The following ATP6V0E1 variants were observed in gnomAD, a reference collection of about 807,000 sequenced individuals.
ATP6V0E1 encodes V-type proton ATPase subunit e 1.
A neutral mutation model predicts 11.6 loss-of-function variants in ATP6V0E1; 4 were observed. That is an observed-to-expected ratio of 0.35 (90% CI 0.17 to 0.79). The LOEUF is 0.79. Ranked by LOEUF, ATP6V0E1 falls within the 30% of genes least tolerant of loss-of-function variation. The pLI is 0.54. For synonymous variants in ATP6V0E1, 36 were observed against 34.8 expected, an observed-to-expected ratio of 1.04 and a Z score of -0.13; for missense variants, 105 against 100.0, an observed-to-expected ratio of 1.05 and a Z score of -0.21.
chr5:173,021,361 C>A (rs1053947959), intron 3 of ATP6V0E1, among the ~76,000 whole-genome samples: 4 of 151,472 alleles, frequency 2.6e-5, no homozygotes, highest in Non-Finnish European at 4.4e-5. Flanking sequence ...GGGGAGGCCT[C>A]ACAATAATGG....
chr5:172,998,629 AG>A (rs993324931), intron 2 of ATP6V0E1, among the ~76,000 whole-genome samples: 9 of 144,640 alleles, frequency 6.2e-5, no homozygotes, highest in African/African-American at 2.4e-4. Flanking sequence ...AAAAAAAAAA[AG>A]AGTAAATGAG....
chr5:172,985,102 G>A (rs1032155220), intron 1 of ATP6V0E1, among the ~76,000 whole-genome samples: 6 of 151,966 alleles, frequency 3.9e-5, no homozygotes, highest in Admixed American at 2.0e-4. Flanking sequence ...AAAATTAGCC[G>A]GGCGTGGTGG....
At chr5:173,017,026 G>C (rs1380104076) in intron 2 of ATP6V0E1, among the ~76,000 whole-genome samples, 1 of 152,088 alleles carries the variant, frequency 6.6e-6, no homozygotes, top group Non-Finnish European at 1.5e-5. Context: ...ATATGGTGCT[G>C]GCTAATTCTC....
chr5:172,985,928 C>T (rs1024149726), intron 1 of ATP6V0E1, among the ~76,000 whole-genome samples: 2 of 152,242 alleles, frequency 1.3e-5, no homozygotes, highest in African/African-American at 4.8e-5. Flanking sequence ...TTGGTAGAAC[C>T]TGTTGCCTCT....
intron 2 of ATP6V0E1, among the ~76,000 whole-genome samples, chr5:173,000,161 G>T (rs1342736392): frequency 1.3e-5 from 2 of 152,014 alleles, no homozygotes; most frequent in East Asian, 3.9e-4. Context: ...GTTTTTTCTG[G>T]TGCCAGTTTG....
intron 2 of ATP6V0E1, among the ~76,000 whole-genome samples, chr5:173,010,584 A>G (rs1388749714): frequency 6.6e-6 from 1 of 152,194 alleles, no homozygotes; most frequent in Non-Finnish European, 1.5e-5. Flanking sequence ...AGGAGCATCT[A>G]ATAATGTTGC....
chr5:173,016,680 TG>T (rs1012654066), intron 2 of ATP6V0E1, among the ~76,000 whole-genome samples: 1 of 152,206 alleles, frequency 6.6e-6, no homozygotes, highest in African/African-American at 2.4e-5. Flanking sequence ...CTGCCGGGAT[TG>T]GGGAAGTCCT....
chr5:173,017,273 C>T (rs1215977707), intron 2 of ATP6V0E1, among the ~76,000 whole-genome samples: 2 of 152,190 alleles, frequency 1.3e-5, no homozygotes, highest in African/African-American at 4.8e-5. Context: ...GTGGCTCACC[C>T]CTGTAATCCC....
chr5:173,001,142 T>C (rs1186648084), intron 2 of ATP6V0E1, among the ~76,000 whole-genome samples: 1 of 152,196 alleles, frequency 6.6e-6, no homozygotes, highest in Non-Finnish European at 1.5e-5. Context: ...TATTTAGCAT[T>C]AGTAGGCACT....
At chr5:172,997,947 T>C (rs1756092420) in intron 2 of ATP6V0E1, among the ~76,000 whole-genome samples, 2 of 152,062 alleles carry the variant, frequency 1.3e-5, no homozygotes, top group African/African-American at 4.8e-5. Flanking sequence ...TGAAACCCTT[T>C]CTCTACAAAA....
chr5:172,990,984 C>T (rs1755970623), intron 1 of ATP6V0E1, among the ~76,000 whole-genome samples: 1 of 151,940 alleles, frequency 6.6e-6, no homozygotes. Context: ...AAAGAGTCTC[C>T]CTGCGTTGCC....
chr5:172,999,955 T>C (rs1756128319), intron 2 of ATP6V0E1, among the ~76,000 whole-genome samples: 2 of 152,128 alleles, frequency 1.3e-5, no homozygotes, highest in Admixed American at 1.3e-4. Context: ...CCCAAATATT[T>C]TACACACCTT....
chr5:173,031,846 T>A (rs1756663837), intron 3 of ATP6V0E1, among the ~76,000 whole-genome samples: 1 of 149,090 alleles, frequency 6.7e-6, no homozygotes, highest in Non-Finnish European at 1.5e-5. Context: ...AAAGCTTCCT[T>A]AATTTACTCC....
chr5:173,030,560 C>A (rs1188516937), intron 3 of ATP6V0E1, among the ~76,000 whole-genome samples: 2 of 151,652 alleles, frequency 1.3e-5, no homozygotes, highest in Non-Finnish European at 2.9e-5. Context: ...CGTGCCTCAG[C>A]CTCCCGAGTA....
At chr5:173,004,453 A>C (rs1756200198) in intron 2 of ATP6V0E1, among the ~76,000 whole-genome samples, 1 of 152,186 alleles carries the variant, frequency 6.6e-6, no homozygotes, top group African/African-American at 2.4e-5. Context: ...CTAGAGGGAA[A>C]GTGCTGGAAG....
chr5:173,024,012 C>A (rs796993657), intron 3 of ATP6V0E1, among the ~76,000 whole-genome samples: 1 of 151,386 alleles, frequency 6.6e-6, no homozygotes, highest in African/African-American at 2.4e-5. Context: ...ATGGCTAACA[C>A]GGTGAAACCC....
Position 173,020,319 on chromosome 5 carries a change from T to TC in ATP6V0E1, c.235dup (p.His79ProfsTer16). On this transcript the variant is annotated frameshift_variant, in exon 3 of 4. Transcript: ENST00000519374. LOFTEE classifies it high-confidence loss of function. Reference sequence around the variant, plus strand: ...ATGAAACCATCTGGTATCTGAAGTATCATTGGCCTTGAGGAAGAAGACATG... The same window carrying TC: ...ATGAAACCATCTGGTATCTGAAGTATCCATTGGCCTTGAGGAAGAAGACATG... The TC allele has an allele frequency of 5.0e-6, 8 of 1,612,606 alleles. No homozygotes were observed. Among genetic ancestry groups the TC allele is most frequent in the Non-Finnish European group, 6.8e-6 (8 of 1,178,620 alleles).
At chr5:172,994,326 T>A (rs1303641675) in intron 1 of ATP6V0E1, among the ~76,000 whole-genome samples, 1 of 152,072 alleles carries the variant, frequency 6.6e-6, no homozygotes, top group African/African-American at 2.4e-5. Context: ...GGTTTAGAAA[T>A]GTTGAAATTC....
At chr5:173,009,197 G>T (rs1302293127) in intron 2 of ATP6V0E1, among the ~76,000 whole-genome samples, 1 of 151,988 alleles carries the variant, frequency 6.6e-6, no homozygotes, top group Admixed American at 6.6e-5. Flanking sequence ...CTGCGCTCCA[G>T]CCTGGGCAAC....
Sources: gnomAD v4.1 joint callset for allele counts (sites outside exome capture counted in the v4.1 genomes callset) on GRCh38, gnomAD v4.1.1 for gene constraint, MANE v1.5 for transcripts, NCBI Gene and HGNC (gene_info 2026-07-23, HGNC 2026-07-21) for gene names.